PCDH11X: variants seen among roughly 807,000 people sequenced by gnomAD.
PCDH11X encodes protocadherin-11 X-linked.
PCDH11X carries 18 observed loss-of-function variants against 53.3 expected under a neutral mutation model. The observed-to-expected ratio is 0.34, with a 90% CI of 0.23 to 0.50. The LOEUF (loss-of-function observed/expected upper bound fraction) is 0.50. PCDH11X is among the 20% of genes least tolerant of loss of function. PCDH11X has a pLI of 0.98. For synonymous variants in PCDH11X, 279 were observed against 393.3 expected (o/e 0.71, Z 3.44); for missense variants, 570 against 1,032.4 (o/e 0.55, Z 6.14).
chrX:91,989,422 G>T (rs2147940640), intron 6 of PCDH11X, among the ~76,000 whole-genome samples: 1 of 110,884 alleles, frequency 9.0e-6, no homozygotes, highest in African/African-American at 3.3e-5. Context: ...AATGTGCCAG[G>T]TGTGGTGGTG....
At chrX:92,220,488 A>G (rs1254561130) in intron 7 of PCDH11X, among the ~76,000 whole-genome samples, 2 of 108,885 alleles carry the variant, frequency 1.8e-5, no homozygotes, top group Non-Finnish European at 3.8e-5. Flanking sequence ...GCAAATCAAA[A>G]CCACAATGAG....
Position 92,041,479 on chromosome X carries a change from A to G in PCDH11X, c.3034-159896A>G, listed in dbSNP as rs1239911899. The stretch of plus-strand genomic sequence containing the variant: ...CAAACATGTAGTGTTTTGAAATCAC[A>G]GCCCAAGATATATGCTTCTTCCTAA... On this transcript the variant is annotated intron_variant, in intron 6 of 10. Coordinates refer to ENST00000682573, the MANE Select transcript of PCDH11X (RefSeq NM_032968.5). Among the ~76,000 whole-genome samples the G allele has an allele frequency of 2.7e-5, 3 of 110,672 alleles. No individual in the cohort carries two copies. The Admixed American group carries it at 2.9e-4, about 11-fold the overall frequency.
intron 8 of PCDH11X, among the ~76,000 whole-genome samples, chrX:92,283,170 C>G (rs2068286666): frequency 9.0e-6 from 1 of 111,417 alleles, no homozygotes; most frequent in Non-Finnish European, 1.9e-5. Flanking sequence ...TTTAGCAACA[C>G]CTATGGCAAT....
intron 10 of PCDH11X, among the ~76,000 whole-genome samples, chrX:92,552,419 G>A (rs1159871001): frequency 9.4e-6 from 1 of 106,095 alleles, no homozygotes; most frequent in Non-Finnish European, 2.0e-5. Flanking sequence ...TTGTTCATGA[G>A]TTCTAACAGT....
At chrX:91,973,477 G>C (rs1003969556) in intron 6 of PCDH11X, among the ~76,000 whole-genome samples, 2 of 107,193 alleles carry the variant, frequency 1.9e-5, no homozygotes, top group African/African-American at 6.8e-5. Flanking sequence ...GAAAATTGCT[G>C]GTGACAGATT....
At chrX:92,184,834 A>C (rs2066062152) in intron 6 of PCDH11X, among the ~76,000 whole-genome samples, 1 of 110,881 alleles carries the variant, frequency 9.0e-6, no homozygotes, top group African/African-American at 3.3e-5. Context: ...ACTTACAGCC[A>C]GGAGTTCAAG....
At chrX:92,113,296 G>T in intron 6 of PCDH11X, 2 of 1,200,343 alleles carry the variant, frequency 1.7e-6, no homozygotes, top group African/African-American at 1.8e-5. Context: ...GTTGTAGAAG[G>T]TCTCAATGTC....
At chrX:92,490,567 T>C (rs1164042575) in intron 10 of PCDH11X, among the ~76,000 whole-genome samples, 1 of 110,412 alleles carries the variant, frequency 9.1e-6, no homozygotes, top group Non-Finnish European at 1.9e-5. Context: ...TCAGTAGAAC[T>C]TAAGCCAGAT....
intron 6 of PCDH11X, among the ~76,000 whole-genome samples, chrX:92,106,827 C>A (rs2064394675): frequency 9.0e-6 from 1 of 111,653 alleles, no homozygotes; most frequent in South Asian, 3.7e-4. Context: ...TCCTCTTGGC[C>A]AAGGGCATTC....
At chrX:92,573,152 G>A (rs961239735) in intron 10 of PCDH11X, among the ~76,000 whole-genome samples, 1 of 111,221 alleles carries the variant, frequency 9.0e-6, no homozygotes, top group Non-Finnish European at 1.9e-5. Flanking sequence ...GGAAAGTAGG[G>A]TTCTAGGCCT....
intron 5 of PCDH11X, among the ~76,000 whole-genome samples, chrX:91,865,687 G>A (rs2524512): frequency 1.4e-4 from 16 of 112,095 alleles, no homozygotes; most frequent in Non-Finnish European, 1.9e-4. Flanking sequence ...CTATTGTACC[G>A]CGACTGAGTT....
intron 7 of PCDH11X, among the ~76,000 whole-genome samples, chrX:92,233,670 G>T (rs1691606409): frequency 9.0e-6 from 1 of 111,651 alleles, no homozygotes; most frequent in African/African-American, 3.3e-5. Flanking sequence ...TTTACCTGGA[G>T]CCAACATAGT....
At chrX:91,954,779 C>T (rs138688424) in intron 6 of PCDH11X, among the ~76,000 whole-genome samples, 9,962 of 109,732 alleles carry the variant, frequency 0.091, 599 homozygotes, top group African/African-American at 0.18. Flanking sequence ...TGTCTGTTAA[C>T]GTCCTTTGCT....
At chrX:91,829,346 A>G (rs773942451) in intron 4 of PCDH11X, among the ~76,000 whole-genome samples, 13 of 108,983 alleles carry the variant, frequency 1.2e-4, no homozygotes, top group African/African-American at 4.1e-4. Flanking sequence ...AGTACTACTT[A>G]TCCTTATATA....
intron 8 of PCDH11X, chrX:92,287,883 A>C: frequency 2.0e-6 from 1 of 498,544 alleles, no homozygotes; most frequent in South Asian, 2.7e-5. Flanking sequence ...TGTGATAGTG[A>C]GTTTGTTCTT....
intron 6 of PCDH11X, among the ~76,000 whole-genome samples, chrX:91,968,702 T>A (rs1185974729): frequency 9.0e-6 from 1 of 111,527 alleles, no homozygotes; most frequent in African/African-American, 3.3e-5. Context: ...TTAAGAAGTT[T>A]TTTCAACTCC....
At chrX:92,484,086 C>CTATG (rs1556443955) in intron 10 of PCDH11X, among the ~76,000 whole-genome samples, 1 of 77,917 alleles carries the variant, frequency 1.3e-5, no homozygotes, top group Non-Finnish European at 2.5e-5. Flanking sequence ...AAGAAAATCT[C>CTATG]TGTGTGTGTG....
rs1036885408 is a variant in PCDH11X, at chrX:92,479,726, T to C, written c.3367+11404T>C. On this transcript the variant is annotated intron_variant, in intron 10 of 10. Transcript: ENST00000682573. ...GAGGTTTCTGCTGAGAGGTCTGCTGTTTGTATGATGGGGTTCTCTTTTTAG... is the reference window on the plus strand; with the variant it reads ...GAGGTTTCTGCTGAGAGGTCTGCTGCTTGTATGATGGGGTTCTCTTTTTAG... 1.5e-3 allele frequency among the ~76,000 whole-genome samples: 162 copies of C among 107,507 alleles called. 1 individual carries two copies. The highest frequency in any genetic ancestry group is 2.4e-3 in the Non-Finnish European group (127 of 51,892). 93.4% of individuals were successfully genotyped at this position (107,507 alleles called of 115,157 possible).
intron 6 of PCDH11X, among the ~76,000 whole-genome samples, chrX:91,913,157 C>A (rs1299929669): frequency 5.4e-5 from 6 of 110,600 alleles, no homozygotes; most frequent in Non-Finnish European, 1.1e-4. Flanking sequence ...AAGGAGGCTC[C>A]CAAATGAAAT....
Sources: gnomAD v4.1 joint callset for allele counts (sites outside exome capture counted in the v4.1 genomes callset) on GRCh38, gnomAD v4.1.1 for gene constraint, MANE v1.5 for transcripts, NCBI Gene and HGNC (gene_info 2026-07-23, HGNC 2026-07-21) for gene names.